The following PITPNC1 variants were observed in gnomAD, a reference collection of about 807,000 sequenced individuals.
PITPNC1 encodes the protein cytoplasmic phosphatidylinositol transfer protein 1.
PITPNC1 carries 18 observed loss-of-function variants against 44.7 expected under a neutral mutation model. The ratio of observed to expected loss-of-function variants is 0.40; its 90% CI spans 0.28 to 0.60. PITPNC1 has a LOEUF of 0.60. PITPNC1 is among the 20% of genes least tolerant of loss of function. The pLI, the probability that PITPNC1 is intolerant of heterozygous loss-of-function variation, is 0.39. For synonymous variants in PITPNC1, 141 were observed against 149.6 expected (o/e 0.94, Z 0.42); for missense variants, 290 against 418.4 (o/e 0.69, Z 2.68).
intron 4 of PITPNC1, among the ~76,000 whole-genome samples, chr17:67,577,601 A>G (rs1463990093): frequency 1.3e-5 from 2 of 151,026 alleles, no homozygotes; most frequent in Non-Finnish European, 3.0e-5. Context: ...TTAAAAATAA[A>G]ATTTAAAATT....
chr17:67,411,932 C>G (rs1437646704), intron 1 of PITPNC1, among the ~76,000 whole-genome samples: 1 of 152,128 alleles, frequency 6.6e-6, no homozygotes, highest in Admixed American at 6.6e-5. Context: ...CCCAGATACT[C>G]TGGCTCCAGA....
At chr17:67,445,677 C>T (rs767920803) in intron 1 of PITPNC1, among the ~76,000 whole-genome samples, 1 of 152,032 alleles carries the variant, frequency 6.6e-6, no homozygotes, top group Non-Finnish European at 1.5e-5. Context: ...CTCAGCCCTA[C>T]CCCAAGATGA....
At chr17:67,421,363 A>G (rs1440150659) in intron 1 of PITPNC1, among the ~76,000 whole-genome samples, 2 of 151,850 alleles carry the variant, frequency 1.3e-5, no homozygotes, top group Non-Finnish European at 2.9e-5. Flanking sequence ...GCTCACTGCA[A>G]CCTCTGCCTC....
chr17:67,590,869 C>G (rs1177722898), intron 5 of PITPNC1, among the ~76,000 whole-genome samples: 2 of 151,860 alleles, frequency 1.3e-5, no homozygotes, highest in African/African-American at 4.8e-5. Flanking sequence ...AGGAGAATCA[C>G]TTGAACCTGG....
intron 1 of PITPNC1, among the ~76,000 whole-genome samples, chr17:67,384,211 GAAGGA>G (rs1029778109): frequency 1.3e-5 from 2 of 152,006 alleles, no homozygotes; most frequent in Non-Finnish European, 2.9e-5. Flanking sequence ...CGAGAAAAGA[GAAGGA>G]AAGGAAAGAA....
At chr17:67,387,906 A>C (rs9900647) in intron 1 of PITPNC1, among the ~76,000 whole-genome samples, 8,486 of 152,056 alleles carry the variant, frequency 0.056, 281 homozygotes, top group Middle Eastern at 0.14. Flanking sequence ...TCAGGTGTGT[A>C]TTTTCCGTGG....
At chr17:67,560,175 G>A (rs1306724828) in intron 4 of PITPNC1, among the ~76,000 whole-genome samples, 2 of 152,216 alleles carry the variant, frequency 1.3e-5, no homozygotes, top group African/African-American at 2.4e-5. Flanking sequence ...TTCCCGAGCT[G>A]ATTTGTCCAA....
intron 1 of PITPNC1, among the ~76,000 whole-genome samples, chr17:67,413,835 C>A (rs143341132): frequency 1.3e-5 from 2 of 152,218 alleles, no homozygotes; most frequent in Admixed American, 1.3e-4. Context: ...AAGGCAGGAC[C>A]TCATAAGAAA....
intron 1 of PITPNC1, among the ~76,000 whole-genome samples, chr17:67,442,232 T>TAC (rs2039023970): frequency 8.3e-6 from 1 of 121,158 alleles, no homozygotes; most frequent in Admixed American, 8.0e-5. Context: ...TATATATATA[T>TAC]ATATATATAT....
chr17:67,573,565 T>TC (rs1052615399), intron 4 of PITPNC1, among the ~76,000 whole-genome samples: 2 of 146,180 alleles, frequency 1.4e-5, no homozygotes, highest in African/African-American at 5.1e-5. Context: ...TCTTTTTTTT[T>TC]TTTTTTTTTT....
chr17:67,422,922 G>A (rs1385051574), intron 1 of PITPNC1, among the ~76,000 whole-genome samples: 1 of 152,028 alleles, frequency 6.6e-6, no homozygotes, highest in Non-Finnish European at 1.5e-5. Context: ...CTTAGTAAAT[G>A]TTAGTTCAGC....
intron 6 of PITPNC1, among the ~76,000 whole-genome samples, chr17:67,649,795 A>G (rs1441923463): frequency 6.6e-6 from 1 of 152,128 alleles, no homozygotes; most frequent in Non-Finnish European, 1.5e-5. Flanking sequence ...ATAATTTGCT[A>G]GAAAGGCTCA....
At chr17:67,615,468 G>T (rs1423299372) in intron 5 of PITPNC1, among the ~76,000 whole-genome samples, 1 of 152,088 alleles carries the variant, frequency 6.6e-6, no homozygotes, top group Non-Finnish European at 1.5e-5. Context: ...TGCCTCGTGT[G>T]GCCACCCCAC....
At chr17:67,572,310 G>T (rs528823645) in intron 4 of PITPNC1, among the ~76,000 whole-genome samples, 1 of 152,152 alleles carries the variant, frequency 6.6e-6, no homozygotes, top group East Asian at 1.9e-4. Context: ...AAAAGTCCAG[G>T]GTTGGAAAGT....
chr17:67,640,244 C>T (rs2042078030), intron 6 of PITPNC1, among the ~76,000 whole-genome samples: 1 of 152,070 alleles, frequency 6.6e-6, no homozygotes, highest in Admixed American at 6.6e-5. Context: ...CAAAGGGGTC[C>T]CTGGTGGGAG....
intron 1 of PITPNC1, among the ~76,000 whole-genome samples, chr17:67,381,950 T>TTATC (rs1372066510): frequency 6.6e-6 from 1 of 152,176 alleles, no homozygotes; most frequent in Non-Finnish European, 1.5e-5. Flanking sequence ...TGGTGTGTTA[T>TTATC]TATCTATATT....
intron 4 of PITPNC1, among the ~76,000 whole-genome samples, chr17:67,565,172 T>C (rs981657400): frequency 6.6e-6 from 1 of 152,182 alleles, no homozygotes; most frequent in Non-Finnish European, 1.5e-5. Flanking sequence ...TTTTCCAGTG[T>C]GTATACTAGT....
chr17:67,387,761 A>T (rs1312843170), intron 1 of PITPNC1, among the ~76,000 whole-genome samples: 1 of 152,184 alleles, frequency 6.6e-6, no homozygotes, highest in Non-Finnish European at 1.5e-5. Flanking sequence ...CCTTCAGAGC[A>T]TTTATCGCAA....
At chr17:67,405,423 A>C (rs1318576889) in intron 1 of PITPNC1, among the ~76,000 whole-genome samples, 1 of 151,936 alleles carries the variant, frequency 6.6e-6, no homozygotes, top group Non-Finnish European at 1.5e-5. Context: ...TCTCAAAAAA[A>C]AAAAAATCAA....
Sources: gnomAD v4.1 joint callset for allele counts (sites outside exome capture counted in the v4.1 genomes callset) on GRCh38, gnomAD v4.1.1 for gene constraint, MANE v1.5 for transcripts, NCBI Gene and HGNC (gene_info 2026-07-23, HGNC 2026-07-21) for gene names.